EBPL: variants seen among roughly 807,000 people sequenced by gnomAD.
The protein encoded by EBPL is emopamil-binding protein-like.
A neutral mutation model predicts 19.0 loss-of-function variants in EBPL; 20 were observed. The observed-to-expected ratio is 1.05, with a 90% CI of 0.74 to 1.53. The LOEUF (loss-of-function observed/expected upper bound fraction) is 1.53. Among genes scored for constraint, EBPL ranks in the 40% most tolerant of loss-of-function variants. The pLI is 0.00. For synonymous variants in EBPL, 107 were observed against 117.0 expected, an observed-to-expected ratio of 0.91 and a Z score of 0.55; for missense variants, 219 against 261.1, an observed-to-expected ratio of 0.84 and a Z score of 1.11.
At chr13:49,687,362 C>G (rs904345595) in intron 1 of EBPL, among the ~76,000 whole-genome samples, 2 of 152,160 alleles carry the variant, frequency 1.3e-5, no homozygotes, top group East Asian at 3.9e-4. Flanking sequence ...ACTCCCCACA[C>G]TACAGCAGTT....
intron 1 of EBPL, among the ~76,000 whole-genome samples, chr13:49,677,571 G>A (rs1953890167): frequency 6.6e-6 from 1 of 152,170 alleles, no homozygotes; most frequent in Admixed American, 6.5e-5. Context: ...AGGTGTGGGA[G>A]GCAGAGGCCC....
chr13:49,684,200 A>G (rs1953973133), intron 1 of EBPL, among the ~76,000 whole-genome samples: 1 of 152,238 alleles, frequency 6.6e-6, no homozygotes, highest in Non-Finnish European at 1.5e-5. Flanking sequence ...GTGGTTACAC[A>G]ACTCTACACA....
At chr13:49,685,266 C>A (rs1953984349) in intron 1 of EBPL, among the ~76,000 whole-genome samples, 1 of 152,018 alleles carries the variant, frequency 6.6e-6, no homozygotes, top group Admixed American at 6.6e-5. Flanking sequence ...GAACTAAATT[C>A]AAAAATCCCC....
chr13:49,683,462 C>A (rs1009936259), intron 1 of EBPL, among the ~76,000 whole-genome samples: 1 of 151,840 alleles, frequency 6.6e-6, no homozygotes, highest in Admixed American at 6.6e-5. Flanking sequence ...ACCCGGGAGG[C>A]GGAGCTTGCA....
intron 3 of EBPL, among the ~76,000 whole-genome samples, chr13:49,662,438 G>A (rs1312309543): frequency 1.3e-5 from 2 of 152,126 alleles, no homozygotes; most frequent in Non-Finnish European, 2.9e-5. Flanking sequence ...TGATTTGGGG[G>A]GAAAAGGATG....
rs182120004 is a variant in EBPL at position 49,689,302 on chromosome 13, T to G, written c.171+1952A>C. Among the ~76,000 whole-genome samples, 464 of 152,342 alleles carry G rather than the reference T, an allele frequency of 3.0e-3. 1 individual carries two copies. Among genetic ancestry groups the G allele is most frequent in the Middle Eastern group, 0.01 (3 of 294 alleles). ...AAACCAAGTGGTGAACACACGCATA[T>G]AGTTTAAGTATTTTTACAGCTTTTT... On this transcript the variant is annotated intron_variant, in intron 1 of 3. Coordinates refer to ENST00000242827, the MANE Select transcript of EBPL (RefSeq NM_032565.5).
intron 2 of EBPL, among the ~76,000 whole-genome samples, chr13:49,668,917 T>C (rs1003218346): frequency 7.9e-5 from 12 of 151,146 alleles, no homozygotes; most frequent in Admixed American, 4.0e-4. Flanking sequence ...TCTTGCTCTG[T>C]CACCCAGACT....
At chr13:49,683,593 C>T (rs1287955842) in intron 1 of EBPL, among the ~76,000 whole-genome samples, 1 of 152,052 alleles carries the variant, frequency 6.6e-6, no homozygotes, top group African/African-American at 2.4e-5. Flanking sequence ...GCCACTGCAC[C>T]CGATCTGGTA....
At chr13:49,669,432 TA>T (rs1953786484) in intron 2 of EBPL, among the ~76,000 whole-genome samples, 1 of 152,212 alleles carries the variant, frequency 6.6e-6, no homozygotes, top group South Asian at 2.1e-4. Context: ...TTGTTTAATA[TA>T]ATAGCTTTAT....
intron 1 of EBPL, among the ~76,000 whole-genome samples, chr13:49,682,626 T>C (rs1198296544): frequency 6.6e-6 from 1 of 152,240 alleles, no homozygotes. Flanking sequence ...CCTGGATGAT[T>C]TGTGTGCATG....
intron 2 of EBPL, among the ~76,000 whole-genome samples, chr13:49,664,636 G>A (rs913361747): frequency 3.9e-5 from 6 of 152,096 alleles, no homozygotes; most frequent in Non-Finnish European, 5.9e-5. Flanking sequence ...GTGAAAAAAT[G>A]GAAGTGATCA....
intron 1 of EBPL, 78 bp downstream of exon 1, chr13:49,691,176 G>A: frequency 1.7e-5 from 21 of 1,200,166 alleles, no homozygotes; most frequent in Non-Finnish European, 2.2e-5. Flanking sequence ...AAAGCCGCAG[G>A]ACCCCCTCAC....
At chr13:49,672,370 C>T (rs1953826841) in intron 1 of EBPL, among the ~76,000 whole-genome samples, 1 of 152,304 alleles carries the variant, frequency 6.6e-6, no homozygotes, top group African/African-American at 2.4e-5. Context: ...GTCACCTCCT[C>T]CAGGAAGCAA....
chr13:49,686,665 C>T (rs1954002160), intron 1 of EBPL: 2 of 1,260,522 alleles, frequency 1.6e-6, no homozygotes, highest in East Asian at 5.6e-5. Context: ...CTCTCTAGCT[C>T]AGCAAAAGCA....
chr13:49,686,625 C>T (rs1249749384), intron 1 of EBPL: 4 of 1,286,956 alleles, frequency 3.1e-6, no homozygotes, highest in Non-Finnish European at 4.0e-6. Flanking sequence ...AGATTCTGCT[C>T]TTATTCCTCA....
chr13:49,686,201 C>G (rs560542977), intron 1 of EBPL, among the ~76,000 whole-genome samples: 2 of 152,220 alleles, frequency 1.3e-5, no homozygotes, highest in Non-Finnish European at 2.9e-5. Context: ...CATCAGACAG[C>G]GAGAGCTGCC....
At chr13:49,690,418 CA>C (rs33964235) in intron 1 of EBPL, among the ~76,000 whole-genome samples, 68 of 88,238 alleles carry the variant, frequency 7.7e-4, no homozygotes, top group East Asian at 6.1e-3. Context: ...GTCAACTTTA[CA>C]AAAAAAAAAA....
At chr13:49,683,812 C>T (rs1217525776) in intron 1 of EBPL, among the ~76,000 whole-genome samples, 2 of 152,152 alleles carry the variant, frequency 1.3e-5, no homozygotes, top group Non-Finnish European at 2.9e-5. Flanking sequence ...TTCTACTAAA[C>T]TGAAAGAATC....
intron 1 of EBPL, among the ~76,000 whole-genome samples, chr13:49,681,535 C>T (rs532046000): frequency 6.6e-6 from 1 of 152,180 alleles, no homozygotes; most frequent in African/African-American, 2.4e-5. Flanking sequence ...AGGTGATCTG[C>T]TCACCTCAGC....
Sources: gnomAD v4.1 joint callset for allele counts (sites outside exome capture counted in the v4.1 genomes callset) on GRCh38, gnomAD v4.1.1 for gene constraint, MANE v1.5 for transcripts, NCBI Gene and HGNC (gene_info 2026-07-23, HGNC 2026-07-21) for gene names.